Variants in MLLT3 observed in about 807,000 individuals in gnomAD.
MLLT3 encodes the protein MLLT3 super elongation complex subunit.
A neutral mutation model predicts 53.2 loss-of-function variants in MLLT3; 4 were observed. That is an observed-to-expected ratio of 0.08 (90% CI 0.04 to 0.17). The LOEUF (loss-of-function observed/expected upper bound fraction) is 0.17, where lower values mean the gene tolerates loss of function less well. Among genes scored for constraint, MLLT3 ranks in the 10% least tolerant of loss-of-function variants. The pLI, the probability that MLLT3 is intolerant of heterozygous loss-of-function variation, is 1.00. For synonymous variants in MLLT3, 283 were observed against 230.6 expected, an observed-to-expected ratio of 1.23 and a Z score of -2.06; for missense variants, 569 against 684.0, an observed-to-expected ratio of 0.83 and a Z score of 1.87.
intron 4 of MLLT3, among the ~76,000 whole-genome samples, chr9:20,441,524 AAAG>A (rs1413804805): frequency 6.6e-6 from 1 of 152,138 alleles, no homozygotes; most frequent in Non-Finnish European, 1.5e-5. Context: ...AAGGTTATAG[AAAG>A]AAGGAGAAAA....
At chr9:20,541,614 C>T (rs10116836) in intron 2 of MLLT3, among the ~76,000 whole-genome samples, 64,583 of 151,960 alleles carry the variant, frequency 0.42, 14,230 homozygotes, top group South Asian at 0.51. Context: ...GGGAAATCCG[C>T]CCCCATGATC....
chr9:20,557,766 G>A lies in MLLT3; in HGVS notation c.193+62888C>T, dbSNP rs150904368. ...CACTAGCAAAGGTATTTTAATTAGC[G>A]AGTAATTCTACCCTGTTTCAGAAAC... On this transcript the variant is annotated intron_variant, in intron 2 of 10. Transcript: ENST00000380338. 4.0e-3 allele frequency among the ~76,000 whole-genome samples: 608 copies of A among 152,256 alleles called. 3 individuals carry two copies. The highest frequency in any genetic ancestry group is 0.014 in the African/African-American group (569 of 41,548).
At chr9:20,350,231 C>T (rs571055322) in intron 10 of MLLT3, among the ~76,000 whole-genome samples, 83 of 152,328 alleles carry the variant, frequency 5.4e-4, no homozygotes, top group African/African-American at 1.9e-3. Flanking sequence ...GACGTCATTA[C>T]TCTGCATCAT....
intron 2 of MLLT3, among the ~76,000 whole-genome samples, chr9:20,508,864 A>G (rs1563793019): frequency 6.6e-6 from 1 of 152,208 alleles, no homozygotes; most frequent in Non-Finnish European, 1.5e-5. Context: ...ACTAATTCAT[A>G]TGGCTGTCGT....
intron 2 of MLLT3, chr9:20,532,816 A>G (rs909834930): frequency 1.5e-4 from 41 of 266,508 alleles, no homozygotes; most frequent in Admixed American, 1.4e-4. Context: ...CAGGCCCTGG[A>G]CCATTAAACA....
chr9:20,389,146 T>C (rs1822120606), intron 5 of MLLT3, among the ~76,000 whole-genome samples: 1 of 152,166 alleles, frequency 6.6e-6, no homozygotes, highest in Admixed American at 6.5e-5. Flanking sequence ...GAAAGGCAAA[T>C]TGTGGTATAT....
intron 2 of MLLT3, among the ~76,000 whole-genome samples, chr9:20,487,423 A>T (rs1268792575): frequency 6.6e-6 from 1 of 152,158 alleles, no homozygotes; most frequent in African/African-American, 2.4e-5. Context: ...TAACAAATGC[A>T]GCTAGAAACC....
chr9:20,457,793 C>A (rs1824009125), intron 2 of MLLT3, among the ~76,000 whole-genome samples: 1 of 152,114 alleles, frequency 6.6e-6, no homozygotes, highest in Non-Finnish European at 1.5e-5. Context: ...GAATGAGAGA[C>A]CCTAAGAAGC....
At chr9:20,622,032 A>T (rs1821031086) in intron 1 of MLLT3, 4 of 685,784 alleles carry the variant, frequency 5.8e-6, no homozygotes, top group South Asian at 7.2e-5. Flanking sequence ...AGCGTGTGTG[A>T]GTGTGTGTGT....
intron 2 of MLLT3, among the ~76,000 whole-genome samples, chr9:20,545,693 C>A (rs1322939828): frequency 6.6e-6 from 1 of 151,820 alleles, no homozygotes; most frequent in African/African-American, 2.4e-5. Flanking sequence ...TCAGCCCGAG[C>A]AGCAAATCTA....
chr9:20,359,748 G>GA (rs772729213), intron 8 of MLLT3, among the ~76,000 whole-genome samples: 2 of 152,194 alleles, frequency 1.3e-5, no homozygotes, highest in Non-Finnish European at 2.9e-5. Flanking sequence ...GGACACCTGT[G>GA]AAACAGTATT....
intron 2 of MLLT3, among the ~76,000 whole-genome samples, chr9:20,575,656 A>G (rs2131168635): frequency 6.6e-6 from 1 of 152,300 alleles, no homozygotes; most frequent in Non-Finnish European, 1.5e-5. Flanking sequence ...ATGAGCAGTA[A>G]TATTTTGAAA....
chr9:20,553,210 G>A (rs1053057422), intron 2 of MLLT3, among the ~76,000 whole-genome samples: 6 of 152,098 alleles, frequency 3.9e-5, no homozygotes, highest in African/African-American at 9.7e-5. Context: ...AAACAAAAAA[G>A]CCCTCATTTC....
chr9:20,511,069 G>A (rs1196084705), intron 2 of MLLT3, among the ~76,000 whole-genome samples: 1 of 152,088 alleles, frequency 6.6e-6, no homozygotes, highest in Non-Finnish European at 1.5e-5. Flanking sequence ...ATTAAAGTCA[G>A]AGAATAATCA....
At chr9:20,445,387 G>GT (rs1294333236) in intron 4 of MLLT3, among the ~76,000 whole-genome samples, 1 of 152,012 alleles carries the variant, frequency 6.6e-6, no homozygotes, top group Non-Finnish European at 1.5e-5. Context: ...TTAGGAAATA[G>GT]TATGACATTG....
chr9:20,444,224 T>C (rs974080794), intron 4 of MLLT3, among the ~76,000 whole-genome samples: 3 of 152,182 alleles, frequency 2.0e-5, no homozygotes, highest in African/African-American at 7.2e-5. Context: ...CTTAACATCC[T>C]AATGAGCACA....
At chr9:20,426,323 A>G (rs925691471) in intron 4 of MLLT3, among the ~76,000 whole-genome samples, 2 of 152,124 alleles carry the variant, frequency 1.3e-5, no homozygotes, top group African/African-American at 4.8e-5. Flanking sequence ...CAGCTTAAAA[A>G]CACATTGGCC....
intron 2 of MLLT3, among the ~76,000 whole-genome samples, chr9:20,490,615 C>A (rs949458485): frequency 1.3e-5 from 2 of 152,250 alleles, no homozygotes; most frequent in African/African-American, 4.8e-5. Context: ...CCTCAGGAAA[C>A]CCACAGCAGA....
At chr9:20,618,524 G>A (rs1820896267) in intron 2 of MLLT3, among the ~76,000 whole-genome samples, 1 of 152,120 alleles carries the variant, frequency 6.6e-6, no homozygotes, top group Non-Finnish European at 1.5e-5. Context: ...TGGGAAGCAC[G>A]CATACAAATA....
Sources: gnomAD v4.1 joint callset for allele counts (sites outside exome capture counted in the v4.1 genomes callset) on GRCh38, gnomAD v4.1.1 for gene constraint, MANE v1.5 for transcripts, NCBI Gene and HGNC (gene_info 2026-07-23, HGNC 2026-07-21) for gene names.